Variants in CYBA observed in about 807,000 individuals in gnomAD.
CYBA encodes the protein cytochrome b-245 light chain.
CYBA carries 21 observed loss-of-function variants against 20.8 expected under a neutral mutation model. That is an observed-to-expected ratio of 1.01 (90% confidence interval 0.72 to 1.46). The LOEUF is 1.46. CYBA is among the 40% of genes most tolerant of loss of function. The pLI, the probability that CYBA is intolerant of heterozygous loss-of-function variation, is 0.00. For missense variants in CYBA, 344 were observed against 287.0 expected, an observed-to-expected ratio of 1.20 and a Z score of -1.43; for synonymous variants, 164 against 127.5, an observed-to-expected ratio of 1.29 and a Z score of -1.93.
At chr16:88,644,436 C>G (rs1907202761) in intron 5 of CYBA, among the ~76,000 whole-genome samples, 1 of 152,224 alleles carries the variant, frequency 6.6e-6, no homozygotes, top group African/African-American at 2.4e-5. Context: ...GCCAAGTTAA[C>G]AGACCCTCAC....
In CYBA at chr16:88,645,773, G is replaced by A. The variant is rs769077153; in HGVS notation, c.369+343C>T. 187 of 538,676 alleles carry A rather than the reference G, an allele frequency of 3.5e-4. 1 individual carries two copies. Among genetic ancestry groups the A allele is most frequent in the South Asian group, 1.2e-3 (55 of 44,278 alleles). The allele number at this position is 538,676 out of a possible 1,614,324, so 33.4% of individuals were successfully genotyped here. A position where few individuals can be genotyped will look rare whatever the true frequency, so the allele number is the denominator to read the frequency against. ...AGCCTGATAATGGGACCCAAGCGCA[G>A]GCACGGTCTTCGGCCGGCTGCGTGA... is the stretch of plus-strand genomic sequence containing the variant. On this transcript the variant is annotated intron_variant, in intron 5 of 5. Coordinates refer to ENST00000261623, the MANE Select transcript of CYBA (RefSeq NM_000101.4).
intron 1 of CYBA, chr16:88,650,639 C>G (rs981876777): frequency 3.6e-6 from 2 of 556,930 alleles, no homozygotes; most frequent in Non-Finnish European, 6.7e-6. Context: ...CCGGAAACCA[C>G]CGGGGCTGAA....
In CYBA at chr16:88,644,506, T is replaced by C. The variant is rs78457719; in HGVS notation, c.370-935A>G. ...TTACAAAGGCTAAATAGCTAAAATA[T>C]ATGTGGACTTCCTGCAACTTAAGAA... is the stretch of plus-strand genomic sequence containing the variant. On this transcript the variant is annotated intron_variant, in intron 5 of 5. Coordinates refer to ENST00000261623, the MANE Select transcript of CYBA (RefSeq NM_000101.4). Among the ~76,000 whole-genome samples, 395 of 152,274 alleles carry C rather than the reference T, an allele frequency of 2.6e-3. 1 individual carries two copies. The highest frequency in any genetic ancestry group is 9.0e-3 in the African/African-American group (373 of 41,564).
At chr16:88,650,254 C>T (rs547282051) in intron 1 of CYBA, 4 of 400,808 alleles carry the variant, frequency 1.0e-5, no homozygotes, top group Non-Finnish European at 2.1e-5. Context: ...CAGCCTCACC[C>T]GTGCTGGGCC....
chr16:88,646,421 T>C, intron 4 of CYBA: 1 of 281,082 alleles, frequency 3.6e-6, no homozygotes, highest in Non-Finnish European at 6.8e-6. Flanking sequence ...CACGTGTGGG[T>C]GTCCTGGCCT....
Position 88,645,148 on chromosome 16 carries a change from C to G in CYBA, c.369+968G>C, listed in dbSNP as rs189119906. ...TGGGTTTAGCACAAGGAATTCCTCCCGAGGTCTCCAGGAGCCACTAGCTGT... is the reference window on the plus strand; with the variant it reads ...TGGGTTTAGCACAAGGAATTCCTCCGGAGGTCTCCAGGAGCCACTAGCTGT... On this transcript the variant is annotated intron_variant, in intron 5 of 5. Coordinates refer to ENST00000261623, the MANE Select transcript of CYBA (RefSeq NM_000101.4). The G allele has an allele frequency of 8.2e-3, 5,761 of 701,058 alleles. 50 individuals are homozygous for G. Among genetic ancestry groups the G allele is most frequent in the Non-Finnish European group, 0.01 (3,993 of 384,450 alleles). 43.4% of individuals were successfully genotyped at this position (701,058 alleles called of 1,614,324 possible).
In CYBA at chr16:88,643,708, T is replaced by A; in HGVS notation, c.370-137A>T. On this transcript the variant is annotated intron_variant, in intron 5 of 5. Transcript: ENST00000261623. This position sits in a 1 kb window ranked among gnomAD's most constrained non-coding sequence, Gnocchi z 4.3. ...CCACGCAGGATGGTGTGACTGCCAC[T>A]CAGAGAGGTTAAGTGACGCGCCCGA... The A allele has an allele frequency of 2.4e-6, 2 of 837,028 alleles. No homozygotes were observed. The highest frequency in any genetic ancestry group is 3.7e-6 in the Non-Finnish European group (2 of 536,132). 51.9% of individuals were successfully genotyped at this position (837,028 alleles called of 1,614,324 possible).
intron 1 of CYBA, among the ~76,000 whole-genome samples, chr16:88,648,681 G>C (rs1245950452): frequency 1.3e-5 from 2 of 150,488 alleles, no homozygotes; most frequent in Non-Finnish European, 3.0e-5. Flanking sequence ...GCAGTGGCGC[G>C]ATCTCGACTC....
intron 3 of CYBA, 75 bp from the exon 4 acceptor site, chr16:88,646,913 A>G: frequency 7.7e-7 from 1 of 1,299,284 alleles, no homozygotes; most frequent in South Asian, 1.2e-5. Context: ...CCTGCTGACC[A>G]CCCCAGGGCA....
chr16:88,646,398 C>G, intron 4 of CYBA: 1 of 190,984 alleles, frequency 5.2e-6, no homozygotes, highest in Non-Finnish European at 1.0e-5. Flanking sequence ...TGCACTTGCT[C>G]GGAGGAAGCA....
Position 88,643,333 on chromosome 16 carries a change from A to C in CYBA, c.*20T>G. On this transcript the variant is annotated 3_prime_UTR_variant, in exon 6 of 6. Transcript: ENST00000261623. This position sits in a 1 kb window ranked among gnomAD's most constrained non-coding sequence, Gnocchi z 4.3. ...ATTGCAGGTGGGTGCACCTGGCGGG[A>C]GGGCAGGTCCGGGGCGAGGTCACAC... is the stretch of plus-strand genomic sequence containing the variant. 1 of 1,477,996 alleles carries C rather than the reference A, an allele frequency of 6.8e-7. No individual in the cohort carries two copies. The highest frequency in any genetic ancestry group is 9.0e-7 in the Non-Finnish European group (1 of 1,109,322). 91.6% of individuals were successfully genotyped at this position (1,477,996 alleles called of 1,614,324 possible).
intron 2 of CYBA, chr16:88,647,697 G>A (rs1907339843): frequency 2.3e-6 from 1 of 428,742 alleles, no homozygotes; most frequent in Non-Finnish European, 4.4e-6. Context: ...GGCTGAGATG[G>A]GGCAGAGGAG....
Position 88,646,164 on chromosome 16 carries a change from G to A in CYBA, c.321C>T (p.Thr107=). The A allele has an allele frequency of 6.4e-7, 1 of 1,561,062 alleles. No individual in the cohort carries two copies. Among genetic ancestry groups the A allele is most frequent in the South Asian group, 1.2e-5 (1 of 84,878 alleles). The change falls in exon 5 of 6, where the codon ACC becomes ACT. Residue 107 remains threonine, a synonymous_variant. Transcript: ENST00000261623. Reference sequence around the variant, plus strand: ...TGGCCAGGCAGGCGGTCCCAAGGATGGTGGCCAGCAGGAAGCCGGCGGGCA... The same window carrying A: ...TGGCCAGGCAGGCGGTCCCAAGGATAGTGGCCAGCAGGAAGCCGGCGGGCA... ...LSVPAGFLLA[T]ILGTACLAIA... is the part of the protein sequence containing the mutation.
intron 1 of CYBA, among the ~76,000 whole-genome samples, chr16:88,649,109 T>C (rs974058709): frequency 1.3e-5 from 2 of 151,506 alleles, no homozygotes; most frequent in Admixed American, 1.3e-4. Context: ...GGCTAATTTT[T>C]TGTATTTTTA....
chr16:88,646,733 G>T, intron 4 of CYBA, 22 bp downstream of exon 4: 5 of 1,607,076 alleles, frequency 3.1e-6, no homozygotes, highest in Non-Finnish European at 3.4e-6. Flanking sequence ...AGCCCTAGAG[G>T]GGGTGCGGGA....
Position 88,645,648 on chromosome 16 carries a change from T to A in CYBA, c.369+468A>T. The A allele has an allele frequency of 5.1e-6, 3 of 590,436 alleles. No individual in the cohort carries two copies. The South Asian group carries it at 6.1e-5, about 12-fold the overall frequency. The allele number at this position is 590,436 out of a possible 1,614,324, so 36.6% of individuals were successfully genotyped here. On this transcript the variant is annotated intron_variant, in intron 5 of 5. Transcript: ENST00000261623. Reference sequence around the variant, plus strand: ...TGGGATGGGCAGCCTTCTAACAGGGTGCAGCAGTCATAAACCAAACGCAGG... The same window carrying A: ...TGGGATGGGCAGCCTTCTAACAGGGAGCAGCAGTCATAAACCAAACGCAGG...
intron 5 of CYBA, chr16:88,645,274 T>C (rs1755626808): frequency 1.4e-6 from 1 of 702,208 alleles, no homozygotes. Context: ...TAAAGGAGAG[T>C]TCTGCCGGTG....
Position 88,647,146 on chromosome 16 carries a change from T to C in CYBA, c.158A>G (p.Glu53Gly), listed in dbSNP as rs179363893. 2 of 1,610,808 alleles carry C rather than the reference T, an allele frequency of 1.2e-6. No homozygotes were observed. Among genetic ancestry groups the C allele is most frequent in the Non-Finnish European group, 1.7e-6 (2 of 1,179,650 alleles). The change falls in exon 3 of 6, where the codon GAG becomes GGG. Residue 53 changes from glutamate to glycine, a missense_variant. By Grantham distance (98) the Glu-to-Gly change is moderately conservative. Transcript: ENST00000261623. ...CTTCTTCCTCTTCCCCCGGGGGTAC[T>C]CCAGCAGGCACACAAACACGCCCGC... ...IVAGVFVCLL[E>G]YPRGKRKKGS... is the part of the protein sequence containing the mutation.
At chr16:88,647,914 G>C (rs1016663551) in intron 2 of CYBA, 131 bp downstream of exon 2, 1 of 910,836 alleles carries the variant, frequency 1.1e-6, no homozygotes, top group South Asian at 1.4e-5. Flanking sequence ...TGCCCAACCC[G>C]TGCACAGCCC....
Sources: gnomAD v4.1 joint callset for allele counts (sites outside exome capture counted in the v4.1 genomes callset) on GRCh38, gnomAD v4.1.1 for gene constraint, Gnocchi (gnomAD v3.1) non-coding constraint, MANE v1.5 for transcripts, NCBI Gene and HGNC (gene_info 2026-07-23, HGNC 2026-07-21) for gene names.